SUCO: variants seen among roughly 807,000 people sequenced by gnomAD.
SUCO encodes the protein SUN domain-containing ossification factor.
Under a neutral mutation model 148.1 loss-of-function variants are expected in SUCO, and 57 were observed. The observed-to-expected ratio is 0.38, with a 90% CI of 0.31 to 0.48. The LOEUF (loss-of-function observed/expected upper bound fraction) is 0.48, where lower values mean the gene tolerates loss of function less well. Ranked by LOEUF, SUCO falls within the 20% of genes least tolerant of loss-of-function variation. SUCO has a pLI of 0.96. For missense variants in SUCO, 1,331 were observed against 1,468.2 expected, an observed-to-expected ratio of 0.91 and a Z score of 1.53; for synonymous variants, 470 against 502.7, an observed-to-expected ratio of 0.93 and a Z score of 0.87.
In SUCO at chr1:172,585,780, G is replaced by A. The variant is rs1571258338; in HGVS notation, c.1568-78G>A. ...ATTTGGCTTTTTTCTTCTCTTCCAA[G>A]AAATTTGTTTTAGTAAAATATTTTC... On this transcript the variant is annotated intron_variant, in intron 16 of 23. Coordinates refer to ENST00000263688, the MANE Select transcript of SUCO (RefSeq NM_014283.5). 9.8e-6 allele frequency: 10 copies of A among 1,023,098 alleles called. No homozygotes were observed. In the East Asian group the frequency reaches 2.3e-4, roughly 24 times the overall value. 63.4% of individuals were successfully genotyped at this position (1,023,098 alleles called of 1,614,324 possible).
At chr1:172,576,473 A>G (rs989302276) in intron 11 of SUCO, among the ~76,000 whole-genome samples, 5 of 151,810 alleles carry the variant, frequency 3.3e-5, no homozygotes, top group Non-Finnish European at 5.9e-5. Context: ...GCTAAATTCT[A>G]TTTTTAAAAT....
intron 11 of SUCO, 103 bp downstream of exon 11, chr1:172,575,726 G>GACTAC: frequency 1.4e-6 from 1 of 734,476 alleles, no homozygotes. Flanking sequence ...TTAAGAAATA[G>GACTAC]ACTACACTAT....
At chr1:172,540,152 T>C (rs1652340781) in intron 1 of SUCO, among the ~76,000 whole-genome samples, 1 of 152,216 alleles carries the variant, frequency 6.6e-6, no homozygotes, top group Admixed American at 6.5e-5. Flanking sequence ...TCTTAACAGC[T>C]TGCCCAAGTT....
chr1:172,538,659 CT>C (rs1450391137), intron 1 of SUCO, among the ~76,000 whole-genome samples: 4 of 151,884 alleles, frequency 2.6e-5, no homozygotes, highest in African/African-American at 7.2e-5. Context: ...CATTTGATGC[CT>C]TTTTTTTCTT....
chr1:172,564,483 C>G (rs1007917359), intron 6 of SUCO, among the ~76,000 whole-genome samples: 5 of 152,210 alleles, frequency 3.3e-5, no homozygotes, highest in Non-Finnish European at 7.3e-5. Flanking sequence ...CTCTCTTTCT[C>G]CTGCGCCACC....
In SUCO at chr1:172,609,887, C is replaced by T; in HGVS notation, c.3393C>T (p.Ala1131=). The change falls in exon 24 of 24, where the codon GCC becomes GCT. Residue 1131 remains alanine, a synonymous_variant. Coordinates refer to ENST00000263688, the MANE Select transcript of SUCO (RefSeq NM_014283.5). ...IKPEEPLHPI[A]NGDIKGRKPF... Reference sequence around the variant, plus strand: ...CTGAAGAACCATTGCACCCCATAGCCAATGGCGACATAAAAGGAAGAAAGC... The same window carrying T: ...CTGAAGAACCATTGCACCCCATAGCTAATGGCGACATAAAAGGAAGAAAGC... 6.2e-7 allele frequency: 1 copy of T among 1,613,792 alleles called. No individual in the cohort carries two copies. Among genetic ancestry groups the T allele is most frequent in the Non-Finnish European group, 8.5e-7 (1 of 1,179,800 alleles).
intron 19 of SUCO, among the ~76,000 whole-genome samples, chr1:172,592,149 T>C (rs186464251): frequency 6.6e-6 from 1 of 152,240 alleles, no homozygotes; most frequent in Non-Finnish European, 1.5e-5. Flanking sequence ...CTTGTAAATT[T>C]CAGTTCTTCG....
rs1322025088 is a variant in SUCO, at chr1:172,611,667, T to C, written c.*1408T>C. ...AGCTATTCAGAGCAAGAGGGCCTGATTTTATAGAAGCCCCTTGAAAAGAGG... is the reference window on the plus strand; with the variant it reads ...AGCTATTCAGAGCAAGAGGGCCTGACTTTATAGAAGCCCCTTGAAAAGAGG... On this transcript the variant is annotated 3_prime_UTR_variant, in exon 24 of 24. Coordinates refer to ENST00000263688, the MANE Select transcript of SUCO (RefSeq NM_014283.5). 1.3e-5 allele frequency: 2 copies of C among 152,628 alleles called. No homozygotes were observed. Among genetic ancestry groups the C allele is most frequent in the Admixed American group, 1.3e-4 (2 of 15,272 alleles). 9.5% of individuals were successfully genotyped at this position (152,628 alleles called of 1,614,324 possible). A position where few individuals can be genotyped will look rare whatever the true frequency, so the allele number is the denominator to read the frequency against.
chr1:172,557,729 G>GGGCGGTGTT lies in SUCO; in HGVS notation c.667_668insGGCGGTGTT (p.Ala223delinsGlyArgCysSer). On this transcript the variant is annotated protein_altering_variant, in exon 6 of 24. Transcript: ENST00000263688. ...ATCAGAATTTGAATCAAAAGTTTCA[G>GGGCGGTGTT]CAAGTGAACAGGGCGGTGGTGATCC... The GGGCGGTGTT allele has an allele frequency of 6.2e-7, 1 of 1,613,088 alleles. No homozygotes were observed. Among genetic ancestry groups the GGGCGGTGTT allele is most frequent in the Non-Finnish European group, 8.5e-7 (1 of 1,179,622 alleles).
chr1:172,564,340 A>G (rs1007961814), intron 6 of SUCO, among the ~76,000 whole-genome samples: 1 of 152,240 alleles, frequency 6.6e-6, no homozygotes, highest in African/African-American at 2.4e-5. Flanking sequence ...CAGGCACTCA[A>G]CACCAGCTCC....
At position 172,578,363 on chromosome 1, in the gene SUCO, G is replaced by T. The variant is rs756945552; in HGVS notation, c.1406G>T (p.Arg469Leu). The change falls in exon 14 of 24, where the codon CGC becomes CTC. Residue 469 changes from arginine to leucine, a missense_variant. Arg to Leu is a moderately radical substitution (Grantham distance 102, BLOSUM62 -2). Transcript: ENST00000263688. The part of the protein sequence containing the change: ...EIADSQYHSE[R>L]QELFDEDYDY... ...GCTGATTCCCAGTATCACTCAGAAC[G>T]CCAGGAACTATTTGATGAGGACTAT... 1.2e-6 allele frequency: 2 copies of T among 1,612,232 alleles called. 1 individual carries two copies. Among genetic ancestry groups the T allele is most frequent in the South Asian group, 2.2e-5 (2 of 91,022 alleles).
At chr1:172,550,013 G>C (rs1653169450) in intron 1 of SUCO, among the ~76,000 whole-genome samples, 1 of 151,854 alleles carries the variant, frequency 6.6e-6, no homozygotes, top group African/African-American at 2.4e-5. Flanking sequence ...TTATTTGGGT[G>C]CTTCTGATAA....
chr1:172,609,432 AC>A, intron 23 of SUCO: 2 of 915,798 alleles, frequency 2.2e-6, no homozygotes, highest in Non-Finnish European at 2.6e-6. Flanking sequence ...AAAGAACCAA[AC>A]ATCTGAACCT....
chr1:172,608,230 T>A, intron 22 of SUCO: 1 of 319,120 alleles, frequency 3.1e-6, no homozygotes, highest in Non-Finnish European at 4.5e-6. Flanking sequence ...TTGATCATAG[T>A]AATAAACAGA....
chr1:172,577,159 G>T, intron 11 of SUCO: 17 of 251,182 alleles, frequency 6.8e-5, no homozygotes, highest in Non-Finnish European at 1.0e-4. Flanking sequence ...ATTCATATAT[G>T]GATATATACT....
intron 6 of SUCO, among the ~76,000 whole-genome samples, chr1:172,559,654 T>C (rs1558182626): frequency 6.6e-6 from 1 of 152,214 alleles, no homozygotes; most frequent in Non-Finnish European, 1.5e-5. Context: ...TATATACAAT[T>C]TTAATTATAT....
chr1:172,577,087 C>T (rs893472554), intron 11 of SUCO: 5 of 642,804 alleles, frequency 7.8e-6, no homozygotes, highest in Non-Finnish European at 5.8e-6. Flanking sequence ...CCATAATGGA[C>T]TGTTACCAAT....
rs1353910071 is a variant in SUCO, at chr1:172,607,943, G to GTGTAA, written c.3266-803_3266-799dup. 7 of 221,954 alleles carry GTGTAA rather than the reference G, an allele frequency of 3.2e-5. No individual in the cohort carries two copies. The Admixed American group carries it at 4.6e-4, about 15-fold the overall frequency. The allele number at this position is 221,954 out of a possible 1,614,324, so 13.7% of individuals were successfully genotyped here. On this transcript the variant is annotated intron_variant, in intron 22 of 23. Transcript: ENST00000263688. Reference sequence around the variant, plus strand: ...AGAGCTTCTGTAGTGAATTTACTATGTGTAAGCTTTTGTCTCTGTCAGACC... The same window carrying GTGTAA: ...AGAGCTTCTGTAGTGAATTTACTATGTGTAATGTAAGCTTTTGTCTCTGTCAGACC...
chr1:172,597,142 C>T (rs1200300347), intron 19 of SUCO, among the ~76,000 whole-genome samples: 2 of 152,252 alleles, frequency 1.3e-5, no homozygotes, highest in African/African-American at 4.8e-5. Flanking sequence ...TGGAAAAGCA[C>T]AGTGTTAGGG....
Sources: gnomAD v4.1 joint callset for allele counts (sites outside exome capture counted in the v4.1 genomes callset) on GRCh38, gnomAD v4.1.1 for gene constraint, MANE v1.5 for transcripts, NCBI Gene and HGNC (gene_info 2026-07-23, HGNC 2026-07-21) for gene names.